Variants in DLGAP4 observed in about 807,000 individuals in gnomAD.
DLGAP4 encodes disks large-associated protein 4.
DLGAP4 carries 18 observed loss-of-function variants against 86.9 expected under a neutral mutation model. The observed-to-expected ratio is 0.21, with a 90% CI of 0.14 to 0.31. DLGAP4 has a LOEUF of 0.31. Ranked by LOEUF, DLGAP4 falls within the 10% of genes least tolerant of loss-of-function variation. The pLI, the probability that DLGAP4 is intolerant of heterozygous loss-of-function variation, is 1.00. For missense variants in DLGAP4, 1,085 were observed against 1,362.6 expected (o/e 0.80, Z 3.21); for synonymous variants, 548 against 574.3 (o/e 0.95, Z 0.65).
chr20:36,458,018 C>G (rs2033924025), intron 7 of DLGAP4, among the ~76,000 whole-genome samples: 1 of 152,018 alleles, frequency 6.6e-6, no homozygotes, highest in Non-Finnish European at 1.5e-5. Context: ...GGCCCTGAGG[C>G]AGGAGGTGCC....
At chr20:36,421,852 C>T (rs774934962) in intron 2 of DLGAP4, among the ~76,000 whole-genome samples, 10 of 152,024 alleles carry the variant, frequency 6.6e-5, no homozygotes, top group East Asian at 1.9e-4. Flanking sequence ...CTGAGTCTGG[C>T]GTCTGAGAGA....
chr20:36,453,013 A>G (rs903843434), intron 7 of DLGAP4, among the ~76,000 whole-genome samples: 4 of 151,246 alleles, frequency 2.6e-5, no homozygotes, highest in African/African-American at 4.9e-5. Flanking sequence ...TTGTATTTTT[A>G]GTAGAGACGG....
chr20:36,394,632 G>A (rs1039658354), intron 2 of DLGAP4, among the ~76,000 whole-genome samples: 3 of 152,082 alleles, frequency 2.0e-5, no homozygotes, highest in Non-Finnish European at 2.9e-5. Context: ...CCACGCTGTC[G>A]CCATGGAGAG....
intron 2 of DLGAP4, among the ~76,000 whole-genome samples, chr20:36,420,850 G>A (rs1204672172): frequency 1.3e-5 from 2 of 151,980 alleles, no homozygotes; most frequent in East Asian, 1.9e-4. Context: ...GCGCATGCCT[G>A]TAATCCCAGC....
At chr20:36,398,199 TC>T (rs1182101132) in intron 2 of DLGAP4, among the ~76,000 whole-genome samples, 1 of 152,218 alleles carries the variant, frequency 6.6e-6, no homozygotes, top group Non-Finnish European at 1.5e-5. Flanking sequence ...GTTCTTGATG[TC>T]CAGTGACAAT....
chr20:36,494,498 T>C (rs1443191504), intron 7 of DLGAP4, among the ~76,000 whole-genome samples: 3 of 152,238 alleles, frequency 2.0e-5, no homozygotes, highest in African/African-American at 7.2e-5. Context: ...TCATACCCCT[T>C]ACTCGATTTC....
chr20:36,357,600 C>G (rs1555893928), intron 1 of DLGAP4, among the ~76,000 whole-genome samples: 1 of 152,142 alleles, frequency 6.6e-6, no homozygotes. Flanking sequence ...GCTTGAGTTT[C>G]CAAGGCCCAA....
chr20:36,332,802 C>G (rs1555891708), intron 1 of DLGAP4, among the ~76,000 whole-genome samples: 3 of 151,968 alleles, frequency 2.0e-5, no homozygotes, highest in Non-Finnish European at 4.4e-5. Flanking sequence ...CACCTCCCCT[C>G]CCATCCCAGC....
chr20:36,395,544 G>T (rs951611040), intron 2 of DLGAP4, among the ~76,000 whole-genome samples: 1 of 152,016 alleles, frequency 6.6e-6, no homozygotes, highest in Non-Finnish European at 1.5e-5. Flanking sequence ...TGTCACCCAG[G>T]CTGGAGTGCA....
At chr20:36,326,355 C>T (rs2065215639) in intron 1 of DLGAP4, among the ~76,000 whole-genome samples, 1 of 152,108 alleles carries the variant, frequency 6.6e-6, no homozygotes, top group African/African-American at 2.4e-5. Context: ...TCCACTGTAT[C>T]TCTTGTTAAT....
At chr20:36,387,833 C>G (rs1433931796) in intron 2 of DLGAP4, among the ~76,000 whole-genome samples, 1 of 152,186 alleles carries the variant, frequency 6.6e-6, no homozygotes, top group Non-Finnish European at 1.5e-5. Flanking sequence ...TTTCTGGGAA[C>G]TCTGTTCTGT....
chr20:36,483,724 G>A (rs914551444), intron 7 of DLGAP4, among the ~76,000 whole-genome samples: 31 of 152,214 alleles, frequency 2.0e-4, no homozygotes, highest in African/African-American at 5.1e-4. Flanking sequence ...GAGAGAGTCA[G>A]AGCATGTGGG....
In DLGAP4 at chr20:36,494,570, A is replaced by G. The variant is rs148664289; in HGVS notation, c.1649-2135A>G. ...CACATCCAGAATATCGACAGATACA[A>G]TCCACCCATCTTATTCAGATTTCCC... On this transcript the variant is annotated intron_variant, in intron 7 of 12. Coordinates refer to ENST00000339266, the MANE Select transcript of DLGAP4 (RefSeq NM_001365621.2). Among the ~76,000 whole-genome samples, 1,180 of 152,314 alleles carry G rather than the reference A, an allele frequency of 7.7e-3. 6 individuals are homozygous for G. Among genetic ancestry groups the G allele is most frequent in the Middle Eastern group, 0.02 (6 of 294 alleles).
At chr20:36,484,370 A>AC (rs1448193469) in intron 7 of DLGAP4, among the ~76,000 whole-genome samples, 4 of 152,042 alleles carry the variant, frequency 2.6e-5, no homozygotes, top group Non-Finnish European at 5.9e-5. Flanking sequence ...GACTCCTGTG[A>AC]CCCCAACATG....
intron 6 of DLGAP4, among the ~76,000 whole-genome samples, chr20:36,445,076 G>A (rs907263952): frequency 4.6e-5 from 7 of 152,142 alleles, no homozygotes; most frequent in African/African-American, 1.7e-4. Flanking sequence ...GACTTGAGGT[G>A]CATGCTACCA....
intron 2 of DLGAP4, among the ~76,000 whole-genome samples, chr20:36,369,648 G>A (rs973165422): frequency 1.3e-5 from 2 of 152,304 alleles, no homozygotes; most frequent in East Asian, 1.9e-4. Flanking sequence ...GTGGAGAAAA[G>A]AACATTGGGA....
At chr20:36,513,009 C>T (rs114193193) in intron 10 of DLGAP4, among the ~76,000 whole-genome samples, 2,242 of 121,794 alleles carry the variant, frequency 0.018, 74 homozygotes, top group African/African-American at 0.068. Flanking sequence ...TGGAGTGCAG[C>T]GGCGCAATTT....
intron 2 of DLGAP4, among the ~76,000 whole-genome samples, chr20:36,401,928 A>T (rs1399854643): frequency 6.6e-6 from 1 of 152,194 alleles, no homozygotes; most frequent in East Asian, 1.9e-4. Flanking sequence ...GTGCTTGGTG[A>T]GTTGAAGGAT....
At chr20:36,388,800 C>T (rs983529668) in intron 2 of DLGAP4, among the ~76,000 whole-genome samples, 2 of 152,182 alleles carry the variant, frequency 1.3e-5, no homozygotes, top group Non-Finnish European at 2.9e-5. Context: ...TCACACTTTT[C>T]CTGCGATTAT....
Sources: allele counts gnomAD v4.1 joint callset (sites outside exome capture counted in the v4.1 genomes callset), GRCh38; gene constraint gnomAD v4.1.1; transcripts MANE v1.5; gene names NCBI Gene and HGNC (gene_info 2026-07-23, HGNC 2026-07-21).